The following ATP8A1 variants were observed in gnomAD, a reference collection of about 807,000 sequenced individuals.
ATP8A1 encodes phospholipid-transporting ATPase IA.
Under a neutral mutation model 177.7 loss-of-function variants are expected in ATP8A1, and 90 were observed. That is an observed-to-expected ratio of 0.51 (90% CI 0.43 to 0.60). The LOEUF is 0.60. Among genes scored for constraint, ATP8A1 ranks in the 20% least tolerant of loss-of-function variants. The pLI is 0.00. For synonymous variants in ATP8A1, 493 were observed against 485.9 expected (o/e 1.01, Z -0.19); for missense variants, 1,072 against 1,392.8 (o/e 0.77, Z 3.67).
At chr4:42,590,719 A>G in intron 7 of ATP8A1, 92 bp downstream of exon 7, 1 of 1,155,782 alleles carries the variant, frequency 8.7e-7, no homozygotes, top group Non-Finnish European at 1.3e-6. Flanking sequence ...AAAGGAAGAG[A>G]CACAGAACTC....
chr4:42,512,338 T>C (rs150960858), intron 22 of ATP8A1, among the ~76,000 whole-genome samples: 461 of 152,228 alleles, frequency 3.0e-3, no homozygotes, highest in Non-Finnish European at 5.2e-3. Flanking sequence ...TATGAGAGGG[T>C]TTCAGCCTCA....
chr4:42,643,570 A>C (rs995838475), intron 1 of ATP8A1, among the ~76,000 whole-genome samples: 1 of 151,646 alleles, frequency 6.6e-6, no homozygotes, highest in Non-Finnish European at 1.5e-5. Flanking sequence ...AATCTTGACC[A>C]CTCCCCATCA....
At chr4:42,542,005 C>T (rs1438722093) in intron 20 of ATP8A1, among the ~76,000 whole-genome samples, 3 of 152,060 alleles carry the variant, frequency 2.0e-5, no homozygotes, top group African/African-American at 7.2e-5. Context: ...CAAGAGTGAA[C>T]CCTCATGTAC....
At chr4:42,584,616 C>G (rs1001489892) in intron 9 of ATP8A1, among the ~76,000 whole-genome samples, 5 of 152,176 alleles carry the variant, frequency 3.3e-5, no homozygotes, top group Admixed American at 2.6e-4. Flanking sequence ...TTCACTAGTG[C>G]CTTTGCCTTT....
intron 1 of ATP8A1, among the ~76,000 whole-genome samples, chr4:42,642,302 C>A (rs560147413): frequency 6.6e-6 from 1 of 152,100 alleles, no homozygotes; most frequent in African/African-American, 2.4e-5. Context: ...CACACCCTAA[C>A]GAGACTCTGA....
intron 25 of ATP8A1, chr4:42,472,524 G>A (rs936490310): frequency 3.2e-5 from 8 of 249,600 alleles, no homozygotes; most frequent in East Asian, 2.2e-4. Context: ...CGAGGTGGGC[G>A]GATCACGAGG....
rs1342321809 is a variant in ATP8A1 at position 42,409,200 on chromosome 4, G to GAACTCATGC, written c.*3707_*3715dup. On this transcript the variant is annotated 3_prime_UTR_variant, in exon 37 of 37. Coordinates refer to ENST00000381668, the MANE Select transcript of ATP8A1 (RefSeq NM_006095.2). ...CATTGGCCTGGATCACTTTAAATAT[G>GAACTCATGC]AACTCATGCAAACCATAAACCTATC... 6.6e-6 allele frequency: 1 copy of GAACTCATGC among 152,118 alleles called. No homozygotes were observed. The highest frequency in any genetic ancestry group is 1.5e-5 in the Non-Finnish European group (1 of 67,998). 9.4% of individuals were successfully genotyped at this position (152,118 alleles called of 1,614,324 possible). A position where few individuals can be genotyped will look rare whatever the true frequency, so the allele number is the denominator to read the frequency against.
chr4:42,547,865 G>T (rs1002234896), intron 19 of ATP8A1, among the ~76,000 whole-genome samples: 13 of 152,322 alleles, frequency 8.5e-5, no homozygotes, highest in Non-Finnish European at 1.5e-4. Flanking sequence ...GTACAAGTTT[G>T]TCTTATGCAG....
intron 22 of ATP8A1, among the ~76,000 whole-genome samples, chr4:42,519,504 G>A (rs140670386): frequency 0.01 from 1,531 of 152,226 alleles, 23 homozygotes; most frequent in African/African-American, 0.035. Flanking sequence ...CTTCCTTCAG[G>A]TCAAATTTGT....
intron 1 of ATP8A1, among the ~76,000 whole-genome samples, chr4:42,649,383 CAAAT>C (rs1346902090): frequency 6.6e-6 from 1 of 152,092 alleles, no homozygotes; most frequent in Non-Finnish European, 1.5e-5. Context: ...TTCTTCCTAA[CAAAT>C]ATATCTTTTC....
intron 1 of ATP8A1, among the ~76,000 whole-genome samples, chr4:42,647,679 A>G (rs1560561067): frequency 6.6e-6 from 1 of 151,920 alleles, no homozygotes; most frequent in Non-Finnish European, 1.5e-5. Flanking sequence ...TATTTCTTTT[A>G]GTGCTGATCT....
intron 18 of ATP8A1, among the ~76,000 whole-genome samples, chr4:42,549,814 G>A (rs1048966841): frequency 3.9e-5 from 6 of 151,978 alleles, no homozygotes; most frequent in Non-Finnish European, 8.8e-5. Flanking sequence ...AAAATAATTG[G>A]TGTTGGGAAA....
intron 7 of ATP8A1, among the ~76,000 whole-genome samples, chr4:42,589,210 C>A (rs1733919207): frequency 6.6e-6 from 1 of 152,198 alleles, no homozygotes; most frequent in Non-Finnish European, 1.5e-5. Flanking sequence ...TGTAGCCCAA[C>A]TGTATAATCT....
chr4:42,636,391 C>T (rs1739395677), intron 1 of ATP8A1, among the ~76,000 whole-genome samples: 1 of 126,116 alleles, frequency 7.9e-6, no homozygotes, highest in Admixed American at 8.4e-5. Context: ...AGCAGCTGTT[C>T]AGAGACGGGT....
chr4:42,565,926 T>C (rs1333558251), intron 15 of ATP8A1, among the ~76,000 whole-genome samples: 2 of 152,218 alleles, frequency 1.3e-5, no homozygotes, highest in Admixed American at 6.5e-5. Context: ...TCTAGAGCAG[T>C]AGATTTTTAA....
intron 6 of ATP8A1, 134 bp from the exon 7 acceptor site, chr4:42,591,018 C>A: frequency 1.3e-6 from 1 of 752,198 alleles, no homozygotes; most frequent in South Asian, 1.8e-5. Flanking sequence ...ATAAAAACAT[C>A]TAATGCCAAT....
At chr4:42,513,706 G>T (rs1405013645) in intron 22 of ATP8A1, among the ~76,000 whole-genome samples, 1 of 152,192 alleles carries the variant, frequency 6.6e-6, no homozygotes, top group East Asian at 1.9e-4. Context: ...GAAATGGAAA[G>T]GTCTGTGTGT....
At position 42,422,906 on chromosome 4, in the gene ATP8A1, A is replaced by C. The variant is rs1276701106; in HGVS notation, c.3213-7T>G. On this transcript the variant is annotated splice_region_variant and splice_polypyrimidine_tract_variant and intron_variant, in intron 34 of 36. Transcript: ENST00000381668. ...AAAAGCAGTCCTCTTGATACTGCAA[A>C]AAGAAAAAAAAAGGGATTTGCATGG... 1 of 1,595,814 alleles carries C rather than the reference A, an allele frequency of 6.3e-7. No individual in the cohort carries two copies. The highest frequency in any genetic ancestry group is 1.1e-5 in the South Asian group (1 of 88,068).
At chr4:42,458,261 C>G (rs994166060) in intron 27 of ATP8A1, among the ~76,000 whole-genome samples, 1 of 152,172 alleles carries the variant, frequency 6.6e-6, no homozygotes, top group African/African-American at 2.4e-5. Flanking sequence ...GCCACAGATT[C>G]AGAAAGAAAA....
Sources: gnomAD v4.1 joint callset for allele counts (sites outside exome capture counted in the v4.1 genomes callset) on GRCh38, gnomAD v4.1.1 for gene constraint, MANE v1.5 for transcripts, NCBI Gene and HGNC (gene_info 2026-07-23, HGNC 2026-07-21) for gene names.